SNTG1: variants seen among roughly 807,000 people sequenced by gnomAD.
The protein encoded by SNTG1 is gamma-1-syntrophin.
Under a neutral mutation model 74.7 loss-of-function variants are expected in SNTG1, and 39 were observed. That is an observed-to-expected ratio of 0.52 (90% CI 0.40 to 0.68). SNTG1 has a LOEUF of 0.68. SNTG1 is among the 30% of genes least tolerant of loss of function. The pLI is 0.00. For missense variants in SNTG1, 685 were observed against 609.5 expected, an observed-to-expected ratio of 1.12 and a Z score of -1.30; for synonymous variants, 254 against 217.1, an observed-to-expected ratio of 1.17 and a Z score of -1.49.
At chr8:50,315,682 T>C (rs2090288418) in intron 2 of SNTG1, among the ~76,000 whole-genome samples, 1 of 138,762 alleles carries the variant, frequency 7.2e-6, no homozygotes, top group Non-Finnish European at 1.5e-5. Context: ...AATGTTTTCT[T>C]TCTCTTGGAC....
At chr8:50,089,201 A>C (rs1428652022) in intron 1 of SNTG1, among the ~76,000 whole-genome samples, 1 of 152,108 alleles carries the variant, frequency 6.6e-6, no homozygotes, top group Non-Finnish European at 1.5e-5. Flanking sequence ...CTGGCTAGCC[A>C]TATGTAGAAA....
intron 1 of SNTG1, among the ~76,000 whole-genome samples, chr8:49,938,603 T>TTTCCTTTCTTTCTTTCTTTCTTTCTTTC (rs10629764): frequency 1.3e-5 from 1 of 74,754 alleles, no homozygotes; most frequent in South Asian, 6.0e-4. Context: ...TTTTCTTTTC[T>TTTCCTTTCTTTCTTTCTTTCTTTCTTTC]TTTCTTTCTT....
chr8:49,952,518 G>A (rs1809814569), intron 1 of SNTG1, among the ~76,000 whole-genome samples: 1 of 152,200 alleles, frequency 6.6e-6, no homozygotes, highest in African/African-American at 2.4e-5. Context: ...GCTCAGGAAT[G>A]AAGAAGATGC....
chr8:50,674,739 T>G (rs941433498), intron 15 of SNTG1, among the ~76,000 whole-genome samples: 2 of 152,144 alleles, frequency 1.3e-5, no homozygotes, highest in Admixed American at 6.6e-5. Context: ...CCTCTCTAGC[T>G]CTTTTAATTG....
intron 18 of SNTG1, among the ~76,000 whole-genome samples, chr8:50,758,925 TA>T (rs2095589092): frequency 6.6e-6 from 1 of 152,106 alleles, no homozygotes; most frequent in Admixed American, 6.6e-5. Context: ...TGAACTAATT[TA>T]CACTCCCATC....
chr8:50,206,479 G>T (rs1423434832), intron 2 of SNTG1, among the ~76,000 whole-genome samples: 2 of 152,106 alleles, frequency 1.3e-5, no homozygotes, highest in Admixed American at 6.5e-5. Flanking sequence ...GAGACGATGG[G>T]GTTTTCTAAA....
intron 13 of SNTG1, among the ~76,000 whole-genome samples, chr8:50,631,920 T>A (rs1380690158): frequency 1.3e-5 from 2 of 152,238 alleles, no homozygotes; most frequent in Non-Finnish European, 2.9e-5. Context: ...ACTAAATCAA[T>A]GCTCACGTCT....
intron 1 of SNTG1, among the ~76,000 whole-genome samples, chr8:50,159,013 T>G (rs1286624697): frequency 6.6e-6 from 1 of 152,158 alleles, no homozygotes; most frequent in Non-Finnish European, 1.5e-5. Context: ...ATTTGATGGT[T>G]GAATAACGTG....
At chr8:50,641,616 TG>T (rs2131175122) in intron 13 of SNTG1, among the ~76,000 whole-genome samples, 1 of 152,314 alleles carries the variant, frequency 6.6e-6, no homozygotes, top group Non-Finnish European at 1.5e-5. Context: ...AATAACGATT[TG>T]CCCCCACTAC....
intron 17 of SNTG1, among the ~76,000 whole-genome samples, chr8:50,746,879 A>T (rs552468219): frequency 6.1e-5 from 9 of 147,880 alleles, no homozygotes; most frequent in Non-Finnish European, 1.2e-4. Context: ...AATATATATT[A>T]TATATATACA....
chr8:49,972,525 T>C (rs1316253439), intron 1 of SNTG1, among the ~76,000 whole-genome samples: 3 of 152,140 alleles, frequency 2.0e-5, no homozygotes, highest in African/African-American at 7.2e-5. Context: ...TGGGATCTAA[T>C]TAAACTAAAG....
chr8:50,769,862 A>G (rs2095622888), intron 18 of SNTG1, among the ~76,000 whole-genome samples: 1 of 152,118 alleles, frequency 6.6e-6, no homozygotes, highest in Non-Finnish European at 1.5e-5. Flanking sequence ...ACATTGTTCT[A>G]TTACATCAAA....
At chr8:50,760,665 G>A (rs188790728) in intron 18 of SNTG1, among the ~76,000 whole-genome samples, 436 of 151,648 alleles carry the variant, frequency 2.9e-3, no homozygotes, top group African/African-American at 0.01. Flanking sequence ...GAATCAAATA[G>A]ACACAAAAAA....
intron 1 of SNTG1, among the ~76,000 whole-genome samples, chr8:50,142,790 T>A (rs1454540232): frequency 2.0e-5 from 3 of 152,098 alleles, no homozygotes; most frequent in African/African-American, 7.2e-5. Context: ...ATAAAGTCCA[T>A]GACCAGTGTG....
intron 8 of SNTG1, among the ~76,000 whole-genome samples, chr8:50,490,608 T>C (rs1418348594): frequency 6.6e-6 from 1 of 152,206 alleles, no homozygotes; most frequent in Non-Finnish European, 1.5e-5. Context: ...AAGTCAATAT[T>C]TGAAAGCAAC....
rs1054282666 is a variant in SNTG1, at chr8:50,785,059, G to C, written c.1396-7612G>C. ...ATGCTACGCAGCTATAGTTTGTTTA[G>C]AGAAAAATTTTAACTTCAAATACTA... On this transcript the variant is annotated intron_variant, in intron 18 of 18. Coordinates refer to ENST00000642720, the MANE Select transcript of SNTG1 (RefSeq NM_018967.5). 3.3e-5 allele frequency among the ~76,000 whole-genome samples: 5 copies of C among 151,988 alleles called. No individual in the cohort carries two copies. In the East Asian group the frequency reaches 7.7e-4, roughly 24 times the overall value.
chr8:50,687,028 G>A (rs556223683), intron 15 of SNTG1, among the ~76,000 whole-genome samples: 5 of 151,362 alleles, frequency 3.3e-5, no homozygotes, highest in African/African-American at 7.3e-5. Flanking sequence ...CCAGCTGCTC[G>A]GGAGGCTGAG....
At chr8:50,321,615 G>A (rs2090533088) in intron 2 of SNTG1, among the ~76,000 whole-genome samples, 1 of 151,658 alleles carries the variant, frequency 6.6e-6, no homozygotes, top group African/African-American at 2.4e-5. Flanking sequence ...TTTCTTTCCT[G>A]TCTTCTTTTA....
chr8:50,320,817 A>G (rs1266816359), intron 2 of SNTG1, among the ~76,000 whole-genome samples: 1 of 152,018 alleles, frequency 6.6e-6, no homozygotes, highest in Non-Finnish European at 1.5e-5. Context: ...GTGTTTGTAT[A>G]GTTTCCAAAA....
Sources: allele counts gnomAD v4.1 joint callset (sites outside exome capture counted in the v4.1 genomes callset), GRCh38; gene constraint gnomAD v4.1.1; transcripts MANE v1.5; gene names NCBI Gene and HGNC (gene_info 2026-07-23, HGNC 2026-07-21).